Variants in SERPINI1 observed in about 807,000 individuals in gnomAD.
SERPINI1 encodes serpin family I member 1, also known as neuroserpin.
In SERPINI1, 19 loss-of-function variants were observed where a neutral mutation model predicts 41.1. The observed-to-expected ratio is 0.46, with a 90% CI of 0.32 to 0.68. The LOEUF is 0.68. Among genes scored for constraint, SERPINI1 ranks in the 30% least tolerant of loss-of-function variants. The pLI, the probability that SERPINI1 is intolerant of heterozygous loss-of-function variation, is 0.03. For missense variants in SERPINI1, 460 were observed against 479.2 expected (o/e 0.96, Z 0.37); for synonymous variants, 138 against 156.6 (o/e 0.88, Z 0.89).
At chr3:167,801,515 C>T (rs920511278) in intron 5 of SERPINI1, among the ~76,000 whole-genome samples, 1 of 152,102 alleles carries the variant, frequency 6.6e-6, no homozygotes, top group African/African-American at 2.4e-5. Flanking sequence ...TTCATATCCT[C>T]ATTCTACCAC....
At chr3:167,766,125 T>G (rs1355546249) in intron 1 of SERPINI1, among the ~76,000 whole-genome samples, 1 of 151,818 alleles carries the variant, frequency 6.6e-6, no homozygotes, top group Non-Finnish European at 1.5e-5. Flanking sequence ...CATTTGTGGG[T>G]ATCTTTTCAG....
intron 1 of SERPINI1, among the ~76,000 whole-genome samples, chr3:167,783,662 G>C (rs9874331): frequency 0.45 from 68,003 of 151,684 alleles, 16,141 homozygotes; most frequent in African/African-American, 0.61. Context: ...TCCCTCCAGC[G>C]CCCACCCAGC....
intron 6 of SERPINI1, among the ~76,000 whole-genome samples, chr3:167,817,606 T>A (rs1712145689): frequency 6.6e-6 from 1 of 151,932 alleles, no homozygotes; most frequent in Non-Finnish European, 1.5e-5. Context: ...TTATTTATTT[T>A]TATTTTTTTG....
rs1374319295 is a variant in SERPINI1, at chr3:167,778,812, G to T, written c.-18-10299G>T. Among the ~76,000 whole-genome samples the T allele has an allele frequency of 5.9e-5, 9 of 152,206 alleles. No individual in the cohort carries two copies. The East Asian group carries it at 1.7e-3, about 29-fold the overall frequency. On this transcript the variant is annotated intron_variant, in intron 1 of 8. Transcript: ENST00000446050. ...CGAACAAGAAAGGAGTTAGTCTGGG[G>T]AAGAGGCTATTGTCATCATTGCTTT...
chr3:167,770,212 A>G (rs942445357), intron 1 of SERPINI1, among the ~76,000 whole-genome samples: 3 of 151,774 alleles, frequency 2.0e-5, no homozygotes, highest in African/African-American at 7.3e-5. Flanking sequence ...TTTAAAGTAT[A>G]TGTTTAAAAA....
At chr3:167,790,707 G>A in intron 3 of SERPINI1, 105 bp downstream of exon 3, 2 of 814,984 alleles carry the variant, frequency 2.5e-6, no homozygotes, top group South Asian at 3.0e-5. Context: ...ATGTTTGAGA[G>A]CATTTAGTTG....
chr3:167,759,123 G>T (rs78118475), intron 1 of SERPINI1, among the ~76,000 whole-genome samples: 1,553 of 152,058 alleles, frequency 0.01, 24 homozygotes, highest in African/African-American at 0.036. Flanking sequence ...AAACTGCTGG[G>T]CTTTACTATT....
At chr3:167,810,176 C>T (rs1447434947) in intron 6 of SERPINI1, among the ~76,000 whole-genome samples, 8 of 152,004 alleles carry the variant, frequency 5.3e-5, no homozygotes, top group Admixed American at 3.9e-4. Flanking sequence ...TATTTGAGCA[C>T]CATATGCTCT....
At chr3:167,794,846 C>T (rs767159894) in intron 5 of SERPINI1, 22 bp downstream of exon 5, 47 of 1,593,928 alleles carry the variant, frequency 2.9e-5, no homozygotes, top group Non-Finnish European at 3.4e-5. Context: ...CTGTGTCACC[C>T]GTCCCACAGC....
At position 167,793,596 on chromosome 3, in the gene SERPINI1, A is replaced by ATATTTTTTT; in HGVS notation, c.676+813_676+814insATTTTTTTT. Among the ~76,000 whole-genome samples the ATATTTTTTT allele has an allele frequency of 8.9e-4, 125 of 140,610 alleles. 1 individual carries two copies. The highest frequency in any genetic ancestry group is 1.2e-3 in the Admixed American group (17 of 14,140). 92.2% of individuals were successfully genotyped at this position (140,610 alleles called of 152,430 possible). A position where few individuals can be genotyped will look rare whatever the true frequency, so the allele number is the denominator to read the frequency against. The stretch of plus-strand genomic sequence containing the variant: ...TACAAATATATATATATATATATAT[A>ATATTTTTTT]TTTTTAATTAGCTAGGCATAATGGT... On this transcript the variant is annotated intron_variant, in intron 4 of 8. Transcript: ENST00000446050.
intron 1 of SERPINI1, among the ~76,000 whole-genome samples, chr3:167,772,968 G>GTA (rs1190596692): frequency 3.7e-5 from 5 of 135,882 alleles, no homozygotes; most frequent in Non-Finnish European, 6.2e-5. Context: ...GTATATGTGT[G>GTA]TATATATATG....
intron 3 of SERPINI1, 34 bp downstream of exon 3, chr3:167,790,636 C>T (rs1727475971): frequency 6.7e-7 from 1 of 1,487,556 alleles, no homozygotes; most frequent in Non-Finnish European, 9.4e-7. Flanking sequence ...CCTCTAGTAG[C>T]TTAGTTTTAA....
intron 1 of SERPINI1, among the ~76,000 whole-genome samples, chr3:167,769,707 A>G (rs1191512280): frequency 6.6e-6 from 1 of 152,076 alleles, no homozygotes; most frequent in African/African-American, 2.4e-5. Flanking sequence ...GTGACCCTTA[A>G]TATTTTTATC....
intron 5 of SERPINI1, among the ~76,000 whole-genome samples, chr3:167,803,456 T>TATA (rs1294359657): frequency 6.6e-6 from 1 of 152,110 alleles, no homozygotes; most frequent in Non-Finnish European, 1.5e-5. Context: ...ATAACTACAA[T>TATA]ATAATAAATG....
At chr3:167,748,840 T>C (rs1329800011) in intron 1 of SERPINI1, among the ~76,000 whole-genome samples, 2 of 151,762 alleles carry the variant, frequency 1.3e-5, no homozygotes. Flanking sequence ...CCATGCTCTG[T>C]TGTCTTACAC....
chr3:167,754,951 C>T (rs1294274651), intron 1 of SERPINI1, among the ~76,000 whole-genome samples: 1 of 152,174 alleles, frequency 6.6e-6, no homozygotes, highest in Non-Finnish European at 1.5e-5. Flanking sequence ...CCTCTTCCTT[C>T]TTTCTTTCTT....
chr3:167,779,849 A>T (rs1255560935), intron 1 of SERPINI1, among the ~76,000 whole-genome samples: 1 of 152,154 alleles, frequency 6.6e-6, no homozygotes, highest in African/African-American at 2.4e-5. Flanking sequence ...CCAAGTTAAG[A>T]GGTATGGGAA....
chr3:167,796,995 T>C (rs1018228398), intron 5 of SERPINI1, among the ~76,000 whole-genome samples: 1 of 152,164 alleles, frequency 6.6e-6, no homozygotes, highest in African/African-American at 2.4e-5. Context: ...AAAAAGTTCC[T>C]TTTTCTCCAC....
At chr3:167,786,154 A>G (rs1727298290) in intron 1 of SERPINI1, among the ~76,000 whole-genome samples, 1 of 152,204 alleles carries the variant, frequency 6.6e-6, no homozygotes, top group African/African-American at 2.4e-5. Flanking sequence ...GGAATAGTGA[A>G]ATACACTATA....
Sources: gnomAD v4.1 joint callset for allele counts (sites outside exome capture counted in the v4.1 genomes callset) on GRCh38, gnomAD v4.1.1 for gene constraint, MANE v1.5 for transcripts, NCBI Gene and HGNC (gene_info 2026-07-23, HGNC 2026-07-21) for gene names.